Variants in RGS18 observed in about 807,000 individuals in gnomAD.
RGS18 encodes regulator of G-protein signaling 18.
In RGS18, 22 loss-of-function variants were observed where a neutral mutation model predicts 27.6. The ratio of observed to expected loss-of-function variants is 0.80; its 90% CI spans 0.57 to 1.14. The LOEUF (loss-of-function observed/expected upper bound fraction) is 1.14. Ranked by LOEUF, RGS18 falls within the 50% of genes most tolerant of loss-of-function variation. The probability of loss-of-function intolerance (pLI) is 0.00; values close to 1 mark genes in which losing one functional copy is unlikely to be tolerated. For missense variants in RGS18, 299 were observed against 269.6 expected (o/e 1.11, Z -0.76); for synonymous variants, 89 against 84.6 (o/e 1.05, Z -0.29).
chr1:192,164,850 T>C (rs1467697367), intron 3 of RGS18, among the ~76,000 whole-genome samples: 3 of 152,200 alleles, frequency 2.0e-5, no homozygotes, highest in Non-Finnish European at 4.4e-5. Context: ...ACTGAGGATG[T>C]ATGTTGCCTC....
rs1189148828 is a variant in RGS18, at chr1:192,160,604, T to C, written c.283+165T>C. 1.0e-5 allele frequency: 5 copies of C among 477,450 alleles called. No individual in the cohort carries two copies. The East Asian group carries it at 1.6e-4, about 15-fold the overall frequency. The allele number at this position is 477,450 out of a possible 1,614,324, so 29.6% of individuals were successfully genotyped here. On this transcript the variant is annotated intron_variant, in intron 3 of 4. Coordinates refer to ENST00000367460, the MANE Select transcript of RGS18 (RefSeq NM_130782.3). ...ACTAAGTAATAGAAAAGTCAAATAA[T>C]GGAAATTTTTTTAAAAGTTCTCATT...
intron 4 of RGS18, 27 bp downstream of exon 4, chr1:192,181,485 C>A (rs778585543): frequency 3.2e-5 from 46 of 1,436,012 alleles, no homozygotes; most frequent in Admixed American, 5.5e-5. Flanking sequence ...TGTAAAAATG[C>A]ATAATTGCTT....
At chr1:192,183,377 G>A (rs1278720553) in intron 4 of RGS18, among the ~76,000 whole-genome samples, 2 of 151,536 alleles carry the variant, frequency 1.3e-5, no homozygotes, top group East Asian at 1.9e-4. Flanking sequence ...ATAAAGAGAA[G>A]CCCCACATTA....
Position 192,158,633 on chromosome 1 carries a change from A to T in RGS18, c.-5A>T. On this transcript the variant is annotated 5_prime_UTR_variant, in exon 1 of 5. Coordinates refer to ENST00000367460, the MANE Select transcript of RGS18 (RefSeq NM_130782.3). ...AATTAGACATCTCTTCATTTTAGAG[A>T]GAAGATGGAAACAACATTGCTTTTC... The T allele has an allele frequency of 1.3e-6, 2 of 1,546,800 alleles. No individual in the cohort carries two copies. Among genetic ancestry groups the T allele is most frequent in the South Asian group, 2.6e-5 (2 of 76,958 alleles).
chr1:192,184,183 T>C (rs1320184796), intron 4 of RGS18, 114 bp from the exon 5 acceptor site: 5 of 909,786 alleles, frequency 5.5e-6, no homozygotes, highest in South Asian at 3.4e-5. Context: ...CCAAACTATA[T>C]CTGCTTCTAA....
chr1:192,179,391 C>T (rs1656410324), intron 3 of RGS18, among the ~76,000 whole-genome samples: 1 of 151,394 alleles, frequency 6.6e-6, no homozygotes. Flanking sequence ...AACATATTTC[C>T]CTTCCCTCAA....
At chr1:192,178,963 CAAGA>C (rs1449472630) in intron 3 of RGS18, among the ~76,000 whole-genome samples, 1 of 151,084 alleles carries the variant, frequency 6.6e-6, no homozygotes, top group Non-Finnish European at 1.5e-5. Context: ...GGAAAAATGT[CAAGA>C]GAGAAGATGG....
intron 3 of RGS18, among the ~76,000 whole-genome samples, chr1:192,165,221 C>A (rs1019029756): frequency 1.3e-5 from 2 of 152,146 alleles, no homozygotes; most frequent in African/African-American, 4.8e-5. Flanking sequence ...TGCAGCACCC[C>A]CAGGCTTGCT....
chr1:192,172,214 T>A (rs1399319386), intron 3 of RGS18, among the ~76,000 whole-genome samples: 1 of 152,004 alleles, frequency 6.6e-6, no homozygotes, highest in African/African-American at 2.4e-5. Flanking sequence ...CCTAGGGGAT[T>A]TGTTTCTATC....
At position 192,181,297 on chromosome 1, in the gene RGS18, C is replaced by G. The variant is rs753484539; in HGVS notation, c.289C>G (p.Leu97Val). The G allele has an allele frequency of 6.8e-7, 1 of 1,476,802 alleles. No homozygotes were observed. The highest frequency in any genetic ancestry group is 1.3e-5 in the South Asian group (1 of 77,428). The allele number at this position is 1,476,802 out of a possible 1,614,324, so 91.5% of individuals were successfully genotyped here. A position where few individuals can be genotyped will look rare whatever the true frequency, so the allele number is the denominator to read the frequency against. The change falls in exon 4 of 5, where the codon CTA becomes GTA. Residue 97 changes from leucine to valine, a missense_variant. Transcript: ENST00000367460. ...ATTATTTATTTTCTTGATAGATGGA[C>G]TAGAGGCTTTTACCAGATTTCTTAA... ...FDKLLSHRDG[L>V]EAFTRFLKTE...
intron 3 of RGS18, chr1:192,163,222 G>A (rs1448402741): frequency 6.6e-6 from 1 of 152,082 alleles, no homozygotes; most frequent in Non-Finnish European, 1.5e-5. Flanking sequence ...AATGATTGCT[G>A]CTATTATAAA....
chr1:192,179,993 C>T (rs545937790), intron 3 of RGS18, among the ~76,000 whole-genome samples: 56 of 151,630 alleles, frequency 3.7e-4, no homozygotes, highest in African/African-American at 1.2e-3. Flanking sequence ...GAACTTCCTA[C>T]GAGTTCATGT....
intron 3 of RGS18, chr1:192,169,333 C>T (rs1432505622): frequency 4.6e-5 from 7 of 152,120 alleles, no homozygotes; most frequent in South Asian, 2.1e-4. Flanking sequence ...AAATCGAAAA[C>T]GTTTATGCTT....
rs200638838 is a variant in RGS18, at chr1:192,184,486, A to G, written c.640A>G (p.Arg214Gly). 1.8e-5 allele frequency: 29 copies of G among 1,611,658 alleles called. No homozygotes were observed. In the East Asian group the frequency reaches 6.0e-4, roughly 34 times the overall value. Residue 214 changes from arginine (R) to glycine (G), a missense_variant, in exon 5 of 5, where the codon AGA (arginine) becomes GGA (glycine). Physicochemically the swap from Arg to Gly is moderately radical, Grantham distance 125 (BLOSUM62 -2). Coordinates refer to ENST00000367460, the MANE Select transcript of RGS18 (RefSeq NM_130782.3). ...GRPQRPTNLR[R>G]RSRSFTCNEF... Reference sequence around the variant, plus strand: ...ACCTCAGAGACCAACAAATCTTAGGAGACGATCACGCTCATTTACCTGCAA... The same window carrying G: ...ACCTCAGAGACCAACAAATCTTAGGGGACGATCACGCTCATTTACCTGCAA...
At chr1:192,162,390 C>G (rs1489806311) in intron 3 of RGS18, among the ~76,000 whole-genome samples, 1 of 152,046 alleles carries the variant, frequency 6.6e-6, no homozygotes, top group Non-Finnish European at 1.5e-5. Context: ...CTCATTGCAA[C>G]CTCCACCTCT....
At position 192,177,521 on chromosome 1, in the gene RGS18, A is replaced by G. The variant is rs145115587; in HGVS notation, c.284-3771A>G. ...TTAGACAAGGGTCTTCGTCTTATAT[A>G]TGTTACAGTGTAGCCTGGAAAACAA... is the stretch of plus-strand genomic sequence containing the variant. On this transcript the variant is annotated intron_variant, in intron 3 of 4. Coordinates refer to ENST00000367460, the MANE Select transcript of RGS18 (RefSeq NM_130782.3). Among the ~76,000 whole-genome samples the G allele has an allele frequency of 1.8e-3, 272 of 151,852 alleles. 3 individuals are homozygous for G. Among genetic ancestry groups the G allele is most frequent in the African/African-American group, 6.2e-3 (258 of 41,494 alleles).
chr1:192,180,662 T>C (rs1656436265), intron 3 of RGS18, among the ~76,000 whole-genome samples: 1 of 151,702 alleles, frequency 6.6e-6, no homozygotes, highest in Non-Finnish European at 1.5e-5. Flanking sequence ...GTTTCCACTC[T>C]ATAAACATGA....
chr1:192,158,462 A>C lies in RGS18; in HGVS notation c.-176A>C, dbSNP rs1656011570. On this transcript the variant is annotated 5_prime_UTR_variant, in exon 1 of 5. Coordinates refer to ENST00000367460, the MANE Select transcript of RGS18 (RefSeq NM_130782.3). Reference sequence around the variant, plus strand: ...GGACCAAATTGTACTTCATTTCCTCAGTTCTGCATTTCTGCAGAGACAGAA... The same window carrying C: ...GGACCAAATTGTACTTCATTTCCTCCGTTCTGCATTTCTGCAGAGACAGAA... 10 of 468,558 alleles carry C rather than the reference A, an allele frequency of 2.1e-5. No individual in the cohort carries two copies. Among genetic ancestry groups the C allele is most frequent in the Non-Finnish European group, 3.1e-5 (9 of 294,774 alleles). 29.0% of individuals were successfully genotyped at this position (468,558 alleles called of 1,614,324 possible).
At chr1:192,179,157 A>T (rs926176303) in intron 3 of RGS18, among the ~76,000 whole-genome samples, 2 of 151,572 alleles carry the variant, frequency 1.3e-5, no homozygotes, top group Non-Finnish European at 3.0e-5. Context: ...GTGGAAGAGT[A>T]TTTGAAAAAG....
Sources: allele counts gnomAD v4.1 joint callset (sites outside exome capture counted in the v4.1 genomes callset), GRCh38; gene constraint gnomAD v4.1.1; transcripts MANE v1.5; gene names NCBI Gene and HGNC (gene_info 2026-07-23, HGNC 2026-07-21).